Variants in SYNC observed in about 807,000 individuals in gnomAD.
SYNC encodes the protein syncoilin, intermediate filament protein.
A neutral mutation model predicts 49.5 loss-of-function variants in SYNC; 38 were observed. The ratio of observed to expected loss-of-function variants is 0.77; its 90% CI spans 0.59 to 1.01. The LOEUF (loss-of-function observed/expected upper bound fraction) is 1.01. Among genes scored for constraint, SYNC ranks in the 50% least tolerant of loss-of-function variants. The pLI, the probability that SYNC is intolerant of heterozygous loss-of-function variation, is 0.00. For missense variants in SYNC, 579 were observed against 580.6 expected (o/e 1.00, Z 0.03); for synonymous variants, 201 against 230.8 (o/e 0.87, Z 1.17).
intron 2 of SYNC, 31 bp from the exon 3 acceptor site, chr1:32,684,413 G>A (rs779797814): frequency 1.2e-5 from 20 of 1,613,332 alleles, no homozygotes; most frequent in Non-Finnish European, 1.7e-5. Context: ...CATTTCTAAT[G>A]AGCCAAACAA....
rs1191871808 is a variant in SYNC at position 32,680,150 on chromosome 1, C to G, written c.*1700G>C. ...GGGGGAGATTCAAGTCATATAGATT[C>G]CTACTCGAAAATCTTGACACCTGAC... On this transcript the variant is annotated 3_prime_UTR_variant, in exon 5 of 5. Transcript: ENST00000409190. 2 of 1,076,410 alleles carry G rather than the reference C, an allele frequency of 1.9e-6. No individual in the cohort carries two copies. The highest frequency in any genetic ancestry group is 3.5e-5 in the African/African-American group (2 of 56,736). 66.7% of individuals were successfully genotyped at this position (1,076,410 alleles called of 1,614,324 possible).
At chr1:32,684,153 CA>C (rs1160731822) in intron 3 of SYNC, 64 bp from the exon 4 acceptor site, 39 of 1,606,314 alleles carry the variant, frequency 2.4e-5, no homozygotes, top group Non-Finnish European at 1.7e-6. Flanking sequence ...AATCATTTCC[CA>C]AATCCTCTTT....
Position 32,694,945 on chromosome 1 carries a change from G to A in SYNC, c.1153C>T (p.Leu385Phe), listed in dbSNP as rs778386216. ...LRPLQAEARQ[L>F]RLQNRNLEDQ... is the part of the protein sequence containing the mutation. ...TCCAGGTTCCTGTTTTGCAGGCGGA[G>A]CTGCCGGGCCTCTGCTTGCAGGGGT... The change falls in exon 2 of 5, where the codon CTC becomes TTC. Residue 385 changes from leucine to phenylalanine, a missense_variant. Transcript: ENST00000409190. The A allele has an allele frequency of 2.0e-5, 32 of 1,613,706 alleles. No homozygotes were observed. The highest frequency in any genetic ancestry group is 2.5e-5 in the Non-Finnish European group (29 of 1,180,000).
intron 2 of SYNC, chr1:32,684,649 CTTTTT>C (rs1649693348): frequency 2.4e-6 from 1 of 420,146 alleles, no homozygotes; most frequent in East Asian, 4.9e-5. Context: ...GTGATTGGGA[CTTTTT>C]AGTATTACAA....
chr1:32,696,938 G>C (rs1650458790), intron 1 of SYNC, among the ~76,000 whole-genome samples: 1 of 151,008 alleles, frequency 6.6e-6, no homozygotes, highest in Non-Finnish European at 1.5e-5. Flanking sequence ...AGTAGAGATG[G>C]GGTTTTACCA....
intron 1 of SYNC, among the ~76,000 whole-genome samples, chr1:32,701,900 T>C (rs569295103): frequency 3.9e-4 from 60 of 152,190 alleles, no homozygotes; most frequent in African/African-American, 1.4e-3. Flanking sequence ...GCAGTATGGG[T>C]GAGTGTGTGT....
chr1:32,691,599 T>G (rs898782346), intron 2 of SYNC, among the ~76,000 whole-genome samples: 3 of 150,934 alleles, frequency 2.0e-5, no homozygotes, highest in Admixed American at 6.6e-5. Flanking sequence ...CTTCCCTGAT[T>G]AAATCCCTTT....
chr1:32,695,123 A>G lies in SYNC; in HGVS notation c.975T>C (p.Ser325=). The change falls in exon 2 of 5, where the codon TCT becomes TCC. Residue 325 remains serine, a synonymous_variant. Coordinates refer to ENST00000409190, the MANE Select transcript of SYNC (RefSeq NM_030786.3). ...GHFLQESRRL[S]AQFENLMAES... ...CTGCCATGAGATTTTCAAACTGGGC[A>G]GAGAGTCGCCGGCTTTCCTGGAGAA... 17 of 1,611,976 alleles carry G rather than the reference A, an allele frequency of 1.1e-5. No individual in the cohort carries two copies. Among genetic ancestry groups the G allele is most frequent in the Non-Finnish European group, 1.4e-5 (17 of 1,179,262 alleles).
At position 32,681,569 on chromosome 1, in the gene SYNC, C is replaced by G. The variant is rs951093231; in HGVS notation, c.*281G>C. 8 of 554,084 alleles carry G rather than the reference C, an allele frequency of 1.4e-5. No homozygotes were observed. Among genetic ancestry groups the G allele is most frequent in the Non-Finnish European group, 2.3e-5 (7 of 310,850 alleles). 34.3% of individuals were successfully genotyped at this position (554,084 alleles called of 1,614,324 possible). Reference sequence around the variant, plus strand: ...CTCAGTGCATATGTGAGGGTTGTTGCTGGAAGACAGGAGGCTCATCTTTCC... The same window carrying G: ...CTCAGTGCATATGTGAGGGTTGTTGGTGGAAGACAGGAGGCTCATCTTTCC... On this transcript the variant is annotated 3_prime_UTR_variant, in exon 5 of 5. Coordinates refer to ENST00000409190, the MANE Select transcript of SYNC (RefSeq NM_030786.3).
intron 2 of SYNC, chr1:32,684,767 A>C (rs1417182997): frequency 6.2e-6 from 1 of 160,866 alleles, no homozygotes; most frequent in African/African-American, 2.4e-5. Flanking sequence ...AGTTTTTAAT[A>C]ATATAAAATA....
chr1:32,683,733 A>G (rs1408818192), intron 4 of SYNC: 1 of 339,600 alleles, frequency 2.9e-6, no homozygotes, highest in South Asian at 3.2e-5. Context: ...TCCTGGTTCA[A>G]GCGATTCTCC....
In SYNC at chr1:32,695,531, C is replaced by A; in HGVS notation, c.567G>T (p.Leu189=). 1 of 1,551,434 alleles carries A rather than the reference C, an allele frequency of 6.4e-7. No homozygotes were observed. Among genetic ancestry groups the A allele is most frequent in the Non-Finnish European group, 8.7e-7 (1 of 1,146,962 alleles). ...GGATGAGCTGATCCCTCTCCTCTTC[C>A]AGCTGGGCCACAGCTTGGACACACT... The part of the protein sequence containing the change: ...FQQCVQAVAQ[L]EEERDQLIHE... The change falls in exon 2 of 5, where the codon CTG becomes CTT. Residue 189 remains leucine, a synonymous_variant. Transcript: ENST00000409190.
At position 32,684,258 on chromosome 1, in the gene SYNC, T is replaced by C; in HGVS notation, c.1358A>G (p.Lys453Arg). ...LSLAEELSTY[K>R]AMLLPKSLEQ... ...GATTTGTATAGCAGCAGAAACTGAC[T>C]TATAAGTAGAGAGCTCTTCAGCAAG... The change falls in exon 3 of 5, where the codon AAG becomes AGG. Residue 453 changes from lysine to arginine, a missense_variant and splice_region_variant. By Grantham distance (26) the Lys-to-Arg change is conservative (BLOSUM62 2). Transcript: ENST00000409190. 1.2e-6 allele frequency: 2 copies of C among 1,614,214 alleles called. No individual in the cohort carries two copies. The highest frequency in any genetic ancestry group is 1.7e-6 in the Non-Finnish European group (2 of 1,180,034).
At chr1:32,686,231 TA>T (rs1401299210) in intron 2 of SYNC, 1 of 152,254 alleles carries the variant, frequency 6.6e-6, no homozygotes, top group African/African-American at 2.4e-5. Context: ...TTTCTTTTTT[TA>T]ATAGAGCTAC....
At chr1:32,697,044 C>G (rs1206196615) in intron 1 of SYNC, among the ~76,000 whole-genome samples, 1 of 152,052 alleles carries the variant, frequency 6.6e-6, no homozygotes, top group East Asian at 1.9e-4. Context: ...CCACCATGCC[C>G]AGCAATTCCT....
chr1:32,702,679 T>A lies in SYNC; in HGVS notation c.-19A>T, dbSNP rs1650715841. 1 of 1,170,640 alleles carries A rather than the reference T, an allele frequency of 8.5e-7. No homozygotes were observed. The highest frequency in any genetic ancestry group is 1.1e-6 in the Non-Finnish European group (1 of 949,290). 72.5% of individuals were successfully genotyped at this position (1,170,640 alleles called of 1,614,324 possible). Reference sequence around the variant, plus strand: ...TGGCCATGGCTGCGCGACCCCGGGCTGGCGGCCGCGTTATTAATAGCCGGG... The same window carrying A: ...TGGCCATGGCTGCGCGACCCCGGGCAGGCGGCCGCGTTATTAATAGCCGGG... On this transcript the variant is annotated 5_prime_UTR_variant, in exon 1 of 5. Coordinates refer to ENST00000409190, the MANE Select transcript of SYNC (RefSeq NM_030786.3). This position sits in a 1 kb window ranked among gnomAD's most constrained non-coding sequence, Gnocchi z 6.2.
At chr1:32,690,849 G>A (rs1650124940) in intron 2 of SYNC, among the ~76,000 whole-genome samples, 1 of 152,068 alleles carries the variant, frequency 6.6e-6, no homozygotes, top group Non-Finnish European at 1.5e-5. Context: ...CACTTTGGGA[G>A]GCCGAGGCAG....
rs551896097 is a variant in SYNC at position 32,695,760 on chromosome 1, G to A, written c.338C>T (p.Thr113Met). ...CACAAACTGTATCCGATCTGGCTCC[G>A]TGGTTTCCTCCACACACACTGTCTC... Reference protein sequence around the residue: ...PEETVCVEETTEPDRIQFVEG... With the variant: ...PEETVCVEETMEPDRIQFVEG... Residue 113 changes from threonine (T) to methionine (M), a missense_variant, in exon 2 of 5, where the codon ACG becomes ATG. Physicochemically the swap from Thr to Met is moderately conservative, Grantham distance 81 (BLOSUM62 -1). Transcript: ENST00000409190. The A allele has an allele frequency of 9.0e-6, 14 of 1,551,538 alleles. No homozygotes were observed. Among genetic ancestry groups the A allele is most frequent in the South Asian group, 5.9e-5 (5 of 84,050 alleles).
At chr1:32,688,803 G>A (rs567981687) in intron 2 of SYNC, among the ~76,000 whole-genome samples, 102 of 151,808 alleles carry the variant, frequency 6.7e-4, no homozygotes, top group South Asian at 1.2e-3. Flanking sequence ...GGATGGTCTC[G>A]ATCTCCTGAC....
Sources: gnomAD v4.1 joint callset for allele counts (sites outside exome capture counted in the v4.1 genomes callset) on GRCh38, gnomAD v4.1.1 for gene constraint, Gnocchi (gnomAD v3.1) non-coding constraint, MANE v1.5 for transcripts, NCBI Gene and HGNC (gene_info 2026-07-23, HGNC 2026-07-21) for gene names.